Variants in KCNJ3 observed in about 807,000 individuals in gnomAD.
KCNJ3 encodes the protein G protein-activated inward rectifier potassium channel 1.
In KCNJ3, 4 loss-of-function variants were observed where a neutral mutation model predicts 39.2. That is an observed-to-expected ratio of 0.10 (90% CI 0.05 to 0.23). The LOEUF (loss-of-function observed/expected upper bound fraction) is 0.23. Ranked by LOEUF, KCNJ3 falls within the 10% of genes least tolerant of loss-of-function variation. The pLI, the probability that KCNJ3 is intolerant of heterozygous loss-of-function variation, is 1.00. For missense variants in KCNJ3, 276 were observed against 634.9 expected, an observed-to-expected ratio of 0.43 and a Z score of 6.08; for synonymous variants, 230 against 237.4, an observed-to-expected ratio of 0.97 and a Z score of 0.29.
At chr2:154,849,059 T>G (rs1254715798) in intron 2 of KCNJ3, among the ~76,000 whole-genome samples, 1 of 152,138 alleles carries the variant, frequency 6.6e-6, no homozygotes, top group Non-Finnish European at 1.5e-5. Context: ...AGAGATGAGA[T>G]TAACAGCATG....
chr2:154,783,219 A>G (rs77782652), intron 2 of KCNJ3, among the ~76,000 whole-genome samples: 2 of 152,320 alleles, frequency 1.3e-5, no homozygotes, highest in East Asian at 3.9e-4. Context: ...TAAGAAATAT[A>G]CAGAGGAGAC....
At chr2:154,839,137 C>T (rs773363208) in intron 2 of KCNJ3, among the ~76,000 whole-genome samples, 13 of 152,124 alleles carry the variant, frequency 8.5e-5, no homozygotes, top group Admixed American at 4.6e-4. Context: ...TGATGTTCCC[C>T]GCCTTGTGTC....
At chr2:154,741,152 T>C (rs1445218567) in intron 2 of KCNJ3, among the ~76,000 whole-genome samples, 2 of 151,936 alleles carry the variant, frequency 1.3e-5, no homozygotes, top group African/African-American at 2.4e-5. Flanking sequence ...CACATCACCT[T>C]ATGAGATATA....
At chr2:154,731,239 A>G (rs558035512) in intron 2 of KCNJ3, among the ~76,000 whole-genome samples, 1 of 152,144 alleles carries the variant, frequency 6.6e-6, no homozygotes, top group Admixed American at 6.5e-5. Flanking sequence ...GGGTGTGAGA[A>G]CTCTGAAATT....
At chr2:154,828,023 A>T (rs891456193) in intron 2 of KCNJ3, among the ~76,000 whole-genome samples, 2 of 152,188 alleles carry the variant, frequency 1.3e-5, no homozygotes, top group East Asian at 3.9e-4. Flanking sequence ...TTTGACTTCT[A>T]TACTTCATTA....
chr2:154,705,008 C>T (rs1684977384), intron 1 of KCNJ3, among the ~76,000 whole-genome samples: 1 of 152,166 alleles, frequency 6.6e-6, no homozygotes, highest in African/African-American at 2.4e-5. Flanking sequence ...GACCACTGGC[C>T]CTGTGGGCCC....
intron 2 of KCNJ3, among the ~76,000 whole-genome samples, chr2:154,748,167 CTT>C (rs930763128): frequency 6.6e-6 from 1 of 151,976 alleles, no homozygotes; most frequent in African/African-American, 2.4e-5. Context: ...TATGAAATGA[CTT>C]TTCTTTCACT....
At chr2:154,844,455 G>A (rs1395474930) in intron 2 of KCNJ3, among the ~76,000 whole-genome samples, 2 of 152,216 alleles carry the variant, frequency 1.3e-5, no homozygotes, top group Non-Finnish European at 2.9e-5. Flanking sequence ...CAGACGCCGT[G>A]CTGGGAGAAC....
intron 2 of KCNJ3, among the ~76,000 whole-genome samples, chr2:154,760,012 G>A (rs900837227): frequency 6.7e-6 from 1 of 149,632 alleles, no homozygotes; most frequent in Non-Finnish European, 1.5e-5. Flanking sequence ...GTACTGAGTG[G>A]TAGGGAATAT....
chr2:154,772,787 G>C (rs554505134), intron 2 of KCNJ3, among the ~76,000 whole-genome samples: 1 of 151,784 alleles, frequency 6.6e-6, no homozygotes, highest in Non-Finnish European at 1.5e-5. Context: ...CCTAATTAGA[G>C]ATGGCTGCAG....
chr2:154,712,234 C>G (rs1685111521), intron 2 of KCNJ3, among the ~76,000 whole-genome samples: 2 of 152,104 alleles, frequency 1.3e-5, no homozygotes, highest in Admixed American at 1.3e-4. Flanking sequence ...ATTCTTATGT[C>G]CATTTGATCA....
intron 2 of KCNJ3, among the ~76,000 whole-genome samples, chr2:154,802,590 A>G (rs1020423249): frequency 6.6e-6 from 1 of 152,178 alleles, no homozygotes; most frequent in Non-Finnish European, 1.5e-5. Context: ...GTGCCTTTGC[A>G]TGATACATAT....
At chr2:154,750,053 T>G (rs1685811676) in intron 2 of KCNJ3, among the ~76,000 whole-genome samples, 1 of 152,038 alleles carries the variant, frequency 6.6e-6, no homozygotes, top group African/African-American at 2.4e-5. Context: ...GAAGAAAGCC[T>G]AGTGAATAGC....
chr2:154,821,284 A>G (rs548144202), intron 2 of KCNJ3, among the ~76,000 whole-genome samples: 57 of 152,292 alleles, frequency 3.7e-4, no homozygotes, highest in African/African-American at 1.3e-3. Context: ...GAAAGTGAAA[A>G]TGGTATTAGG....
chr2:154,741,932 T>G (rs1685660458), intron 2 of KCNJ3, among the ~76,000 whole-genome samples: 1 of 152,018 alleles, frequency 6.6e-6, no homozygotes, highest in African/African-American at 2.4e-5. Context: ...AATTCTGTAG[T>G]ATTAAACACA....
intron 2 of KCNJ3, among the ~76,000 whole-genome samples, chr2:154,823,091 A>G (rs564105533): frequency 6.6e-6 from 1 of 152,168 alleles, no homozygotes; most frequent in South Asian, 2.1e-4. Flanking sequence ...TTGTTTGACT[A>G]CTGGGAACCG....
chr2:154,808,014 A>G (rs1046498260), intron 2 of KCNJ3, among the ~76,000 whole-genome samples: 1 of 151,886 alleles, frequency 6.6e-6, no homozygotes, highest in African/African-American at 2.4e-5. Flanking sequence ...CTTTTCCTCA[A>G]TTATAATCTA....
intron 2 of KCNJ3, among the ~76,000 whole-genome samples, chr2:154,750,817 A>G (rs890997414): frequency 2.0e-5 from 3 of 152,188 alleles, no homozygotes; most frequent in East Asian, 3.9e-4. Context: ...CTCAAATAAC[A>G]GTGAAAATTC....
intron 2 of KCNJ3, among the ~76,000 whole-genome samples, chr2:154,784,469 C>T (rs1015807691): frequency 2.6e-5 from 4 of 152,272 alleles, no homozygotes; most frequent in Middle Eastern, 3.4e-3. Context: ...CTCTGCCTCT[C>T]GGGTCCTGGT....
Sources: gnomAD v4.1 joint callset for allele counts (sites outside exome capture counted in the v4.1 genomes callset) on GRCh38, gnomAD v4.1.1 for gene constraint, MANE v1.5 for transcripts, NCBI Gene and HGNC (gene_info 2026-07-23, HGNC 2026-07-21) for gene names.